The following MAST4 variants were observed in gnomAD, a reference collection of about 807,000 sequenced individuals.
MAST4 encodes the protein microtubule associated serine/threonine kinase family member 4, also known as microtubule-associated serine/threonine-protein kinase 4.
Under a neutral mutation model 162.7 loss-of-function variants are expected in MAST4, and 89 were observed. The ratio of observed to expected loss-of-function variants is 0.55; its 90% CI spans 0.46 to 0.65. The LOEUF (loss-of-function observed/expected upper bound fraction) is 0.65. Among genes scored for constraint, MAST4 ranks in the 30% least tolerant of loss-of-function variants. The probability of loss-of-function intolerance (pLI) is 0.00; values close to 1 mark genes in which losing one functional copy is unlikely to be tolerated. For synonymous variants in MAST4, 1,479 were observed against 1,361.1 expected (o/e 1.09, Z -1.91); for missense variants, 3,153 against 3,374.0 (o/e 0.93, Z 1.62).
At chr5:67,148,028 C>G (rs538707034) in intron 23 of MAST4, among the ~76,000 whole-genome samples, 1 of 152,278 alleles carries the variant, frequency 6.6e-6, no homozygotes, top group African/African-American at 2.4e-5. Flanking sequence ...GAGCGTGGGC[C>G]AAACTACAAC....
chr5:66,890,812 C>G (rs1762317487), intron 3 of MAST4, among the ~76,000 whole-genome samples: 1 of 152,190 alleles, frequency 6.6e-6, no homozygotes, highest in Non-Finnish European at 1.5e-5. Context: ...TCTACCAGCT[C>G]TATGACCTTG....
chr5:66,910,587 A>G (rs1222058100), intron 4 of MAST4, among the ~76,000 whole-genome samples: 1 of 152,176 alleles, frequency 6.6e-6, no homozygotes. Flanking sequence ...CCATGTGGCC[A>G]TAGACTATCA....
chr5:66,811,313 C>A (rs1756464142), intron 3 of MAST4, among the ~76,000 whole-genome samples: 1 of 152,264 alleles, frequency 6.6e-6, no homozygotes, highest in African/African-American at 2.4e-5. Flanking sequence ...TATTACTCTG[C>A]AACAGCACTC....
chr5:66,648,081 T>C (rs200179161), intron 1 of MAST4, among the ~76,000 whole-genome samples: 2 of 102,414 alleles, frequency 2.0e-5, no homozygotes, highest in African/African-American at 9.0e-5. Context: ...TGTGTGTGTG[T>C]GTGAGAGAGA....
intron 3 of MAST4, among the ~76,000 whole-genome samples, chr5:66,820,147 G>A (rs548186981): frequency 6.6e-6 from 1 of 152,070 alleles, no homozygotes; most frequent in Admixed American, 6.5e-5. Context: ...TACATGTATA[G>A]CCTGAATGTG....
intron 3 of MAST4, among the ~76,000 whole-genome samples, chr5:66,805,322 A>G (rs1472880930): frequency 2.0e-5 from 3 of 152,102 alleles, no homozygotes; most frequent in Non-Finnish European, 4.4e-5. Flanking sequence ...TAGTCCTTTG[A>G]TTTGTCTTCC....
chr5:67,156,164 T>C (rs1431845297), intron 26 of MAST4, among the ~76,000 whole-genome samples: 1 of 152,086 alleles, frequency 6.6e-6, no homozygotes, highest in East Asian at 1.9e-4. Flanking sequence ...TAAACGCATG[T>C]AATCCAAACA....
chr5:66,747,653 C>T (rs1752852480), intron 1 of MAST4, among the ~76,000 whole-genome samples: 1 of 152,140 alleles, frequency 6.6e-6, no homozygotes, highest in Non-Finnish European at 1.5e-5. Flanking sequence ...TGACCTACAA[C>T]CTAGGTCATC....
chr5:67,155,993 A>G (rs1309804257), intron 26 of MAST4, among the ~76,000 whole-genome samples: 7 of 147,682 alleles, frequency 4.7e-5, no homozygotes, highest in African/African-American at 1.8e-4. Flanking sequence ...CGGGAGGCGG[A>G]GGTTGCAGTG....
chr5:66,603,182 T>C (rs1483978598), intron 1 of MAST4, among the ~76,000 whole-genome samples: 1 of 152,204 alleles, frequency 6.6e-6, no homozygotes, highest in African/African-American at 2.4e-5. Context: ...TAGGTAGATA[T>C]GTAACAGTTA....
chr5:66,654,709 G>A lies in MAST4; in HGVS notation c.363+57691G>A, dbSNP rs186636905. ...AAATAACTTTTCATTTTATTGGTAG[G>A]TGGCTTTATTCAGAATTATGTTAAG... is the stretch of plus-strand genomic sequence containing the variant. On this transcript the variant is annotated intron_variant, in intron 1 of 28. Coordinates refer to ENST00000403625, the MANE Select transcript of MAST4 (RefSeq NM_001164664.2). 6.9e-3 allele frequency among the ~76,000 whole-genome samples: 1,047 copies of A among 152,174 alleles called. 12 individuals carry two copies. The highest frequency in any genetic ancestry group is 0.024 in the African/African-American group (1,005 of 41,506).
intron 1 of MAST4, among the ~76,000 whole-genome samples, chr5:66,618,007 C>A (rs935189969): frequency 6.7e-6 from 1 of 148,530 alleles, no homozygotes; most frequent in Non-Finnish European, 1.5e-5. Flanking sequence ...ATCGTCTACA[C>A]TGGGAGACCC....
chr5:66,981,023 A>G (rs914300566), intron 4 of MAST4, among the ~76,000 whole-genome samples: 1 of 152,194 alleles, frequency 6.6e-6, no homozygotes, highest in African/African-American at 2.4e-5. Context: ...TAAAGAAAAA[A>G]TAGTGCTGGA....
At chr5:66,848,887 G>C (rs747090148) in intron 3 of MAST4, among the ~76,000 whole-genome samples, 31 of 152,152 alleles carry the variant, frequency 2.0e-4, no homozygotes, top group Non-Finnish European at 3.8e-4. Context: ...GGGATGTCTG[G>C]TGTGCTCATA....
intron 3 of MAST4, among the ~76,000 whole-genome samples, chr5:66,874,710 A>G (rs71626451): frequency 0.14 from 20,670 of 152,144 alleles, 1,527 homozygotes; most frequent in Admixed American, 0.16. Context: ...AAAATCTTTT[A>G]TCCTAATTCT....
chr5:66,820,924 C>G (rs1342437894), intron 3 of MAST4, among the ~76,000 whole-genome samples: 2 of 152,132 alleles, frequency 1.3e-5, no homozygotes, highest in African/African-American at 4.8e-5. Flanking sequence ...GGCAATATAG[C>G]TTTCTTGTGA....
intron 14 of MAST4, among the ~76,000 whole-genome samples, chr5:67,123,265 G>T (rs1767796877): frequency 6.6e-6 from 1 of 152,132 alleles, no homozygotes; most frequent in African/African-American, 2.4e-5. Context: ...CATTAGGAAG[G>T]GCTTCTATCT....
intron 5 of MAST4, among the ~76,000 whole-genome samples, chr5:67,082,241 G>A (rs886739997): frequency 2.7e-5 from 4 of 146,512 alleles, no homozygotes; most frequent in Non-Finnish European, 4.5e-5. Context: ...TTCTGCCCCC[G>A]GGGTGCAAGC....
chr5:66,980,911 A>G (rs577746696), intron 4 of MAST4, among the ~76,000 whole-genome samples: 1 of 152,316 alleles, frequency 6.6e-6, no homozygotes, highest in Non-Finnish European at 1.5e-5. Context: ...GAGCCTGAGG[A>G]CTGGCAGTAA....
Sources: gnomAD v4.1 joint callset for allele counts (sites outside exome capture counted in the v4.1 genomes callset) on GRCh38, gnomAD v4.1.1 for gene constraint, MANE v1.5 for transcripts, NCBI Gene and HGNC (gene_info 2026-07-23, HGNC 2026-07-21) for gene names.